Variants in SGIP1 observed in about 807,000 individuals in gnomAD.
SGIP1 encodes the protein SH3-containing GRB2-like protein 3-interacting protein 1.
SGIP1 carries 38 observed loss-of-function variants against 107.5 expected under a neutral mutation model. That is an observed-to-expected ratio of 0.35 (90% CI 0.27 to 0.46). The LOEUF (loss-of-function observed/expected upper bound fraction) is 0.46. Among genes scored for constraint, SGIP1 ranks in the 20% least tolerant of loss-of-function variants. The pLI, the probability that SGIP1 is intolerant of heterozygous loss-of-function variation, is 1.00. For synonymous variants in SGIP1, 365 were observed against 366.1 expected, an observed-to-expected ratio of 1.00 and a Z score of 0.03; for missense variants, 929 against 1,019.5, an observed-to-expected ratio of 0.91 and a Z score of 1.21.
chr1:66,736,386 T>C (rs1052850160), intron 21 of SGIP1, among the ~76,000 whole-genome samples: 27 of 74,800 alleles, frequency 3.6e-4, no homozygotes, highest in South Asian at 3.1e-3. Context: ...ATATAATATA[T>C]AATATATGTG....
chr1:66,654,957 C>T (rs1246722605), intron 7 of SGIP1, among the ~76,000 whole-genome samples: 1 of 152,106 alleles, frequency 6.6e-6, no homozygotes, highest in Non-Finnish European at 1.5e-5. Flanking sequence ...CTATTTGAAG[C>T]CCATCTTTAT....
At chr1:66,720,926 A>T (rs2093499361) in intron 19 of SGIP1, among the ~76,000 whole-genome samples, 1 of 152,186 alleles carries the variant, frequency 6.6e-6, no homozygotes, top group Admixed American at 6.5e-5. Context: ...TTTTAGACGT[A>T]AAACTCGAAA....
chr1:66,725,126 A>G (rs569715257), intron 19 of SGIP1, among the ~76,000 whole-genome samples: 2 of 152,176 alleles, frequency 1.3e-5, no homozygotes, highest in Non-Finnish European at 2.9e-5. Context: ...TCCAGGAGAG[A>G]TGGAAATGCA....
chr1:66,746,202 C>G lies in SGIP1; in HGVS notation c.*3107C>G, dbSNP rs999298127. ...ACCTTGGCTCTGCCACTGACTCCTGCCGTATGATATTGGACAAATCACTGC... is the reference window on the plus strand; with the variant it reads ...ACCTTGGCTCTGCCACTGACTCCTGGCGTATGATATTGGACAAATCACTGC... On this transcript the variant is annotated 3_prime_UTR_variant, in exon 25 of 25. Transcript: ENST00000371037. 2 of 152,128 alleles carry G rather than the reference C, an allele frequency of 1.3e-5. No homozygotes were observed. The highest frequency in any genetic ancestry group is 2.4e-5 in the African/African-American group (1 of 41,426). The allele number at this position is 152,128 out of a possible 1,614,324, so 9.4% of individuals were successfully genotyped here.
At chr1:66,654,208 C>A (rs975221529) in intron 7 of SGIP1, among the ~76,000 whole-genome samples, 1 of 152,172 alleles carries the variant, frequency 6.6e-6, no homozygotes, top group Non-Finnish European at 1.5e-5. Flanking sequence ...AATTTATGGT[C>A]TCAGTTGCTT....
At position 66,695,340 on chromosome 1, in the gene SGIP1, G is replaced by A. The variant is rs779230338; in HGVS notation, c.1571-94G>A. 2.5e-6 allele frequency: 4 copies of A among 1,598,828 alleles called. No homozygotes were observed. In the African/African-American group the frequency reaches 4.1e-5, roughly 16 times the overall value. On this transcript the variant is annotated intron_variant, in intron 17 of 24. Transcript: ENST00000371037. ...TGTAGTGCCTCCACCCTTCCCTATA[G>A]TGAGATTAATGACCTGCTCTGTAAC... is the stretch of plus-strand genomic sequence containing the variant.
intron 1 of SGIP1, among the ~76,000 whole-genome samples, chr1:66,561,397 C>G (rs1269004415): frequency 6.6e-6 from 1 of 151,946 alleles, no homozygotes; most frequent in Admixed American, 6.6e-5. Flanking sequence ...TTGTTCCCTT[C>G]CCTCAGTTTG....
intron 1 of SGIP1, among the ~76,000 whole-genome samples, chr1:66,565,568 GA>G (rs1234870034): frequency 2.6e-5 from 4 of 151,972 alleles, no homozygotes; most frequent in Admixed American, 6.6e-5. Context: ...AATTCCAAGT[GA>G]GAGAGGTATG....
chr1:66,647,399 C>T (rs2077841358), intron 7 of SGIP1, among the ~76,000 whole-genome samples: 1 of 152,160 alleles, frequency 6.6e-6, no homozygotes, highest in African/African-American at 2.4e-5. Flanking sequence ...ACATTCACTG[C>T]AAGGGAGTCT....
intron 18 of SGIP1, among the ~76,000 whole-genome samples, chr1:66,697,419 A>C (rs1013673203): frequency 3.9e-5 from 6 of 152,182 alleles, no homozygotes; most frequent in African/African-American, 7.2e-5. Flanking sequence ...GAAGCGTTTT[A>C]ATAGAAATTA....
intron 15 of SGIP1, among the ~76,000 whole-genome samples, chr1:66,685,251 G>C (rs932962182): frequency 2.0e-5 from 3 of 152,190 alleles, no homozygotes; most frequent in East Asian, 1.9e-4. Context: ...TCACAGCAAG[G>C]TGATTGTCAC....
At chr1:66,704,766 T>G (rs1247111249) in intron 18 of SGIP1, 3 of 152,240 alleles carry the variant, frequency 2.0e-5, no homozygotes, top group Non-Finnish European at 1.5e-5. Flanking sequence ...AGTATACTAG[T>G]GATTCAAAGA....
At position 66,750,047 on chromosome 1, in the gene SGIP1, G is replaced by A. The variant is rs938441611; in HGVS notation, c.*6952G>A. 6.7e-6 allele frequency among the ~76,000 whole-genome samples: 1 copy of A among 149,540 alleles called. No individual in the cohort carries two copies. Among genetic ancestry groups the A allele is most frequent in the Non-Finnish European group, 1.5e-5 (1 of 67,590 alleles). ...TGTGTGTGTGTGGGGGTGTGTGTGT[G>A]TGTGTGTGTGTGTGTGTGTGTCTCT... On this transcript the variant is annotated 3_prime_UTR_variant, in exon 25 of 25. Coordinates refer to ENST00000371037, the MANE Select transcript of SGIP1 (RefSeq NM_032291.4).
intron 14 of SGIP1, among the ~76,000 whole-genome samples, chr1:66,681,582 A>G (rs562720873): frequency 1.3e-5 from 2 of 152,228 alleles, no homozygotes; most frequent in Non-Finnish European, 2.9e-5. Context: ...GCAGCCTTCG[A>G]GAGCAGTATC....
At chr1:66,661,661 G>GCTCTTTAACAC (rs1308344383) in intron 8 of SGIP1, among the ~76,000 whole-genome samples, 5 of 152,110 alleles carry the variant, frequency 3.3e-5, no homozygotes, top group African/African-American at 9.7e-5. Context: ...TATTACTGGT[G>GCTCTTTAACAC]CTCTTTAACA....
chr1:66,689,187 C>T lies in SGIP1; in HGVS notation c.1355C>T (p.Pro452Leu), dbSNP rs573516641. 1.2e-6 allele frequency: 2 copies of T among 1,613,726 alleles called. No individual in the cohort carries two copies. The highest frequency in any genetic ancestry group is 4.5e-5 in the East Asian group (2 of 44,848). ...SPARPATPLV[P>L]CRSTTPPPPP... The stretch of plus-strand genomic sequence containing the variant: ...GCTCGACCAGCCACTCCTTTGGTTC[C>T]TTGCAGAAGTACCACTCCACCTCCA... The change falls in exon 16 of 25, where the codon CCT (proline) becomes CTT (leucine). Residue 452 changes from proline to leucine, a missense_variant. Around this residue, in one of 2 missense-constraint regions of SGIP1, gnomAD observed 588 missense variants for 588.6 expected, o/e 1.00. Coordinates refer to ENST00000371037, the MANE Select transcript of SGIP1 (RefSeq NM_032291.4).
intron 7 of SGIP1, among the ~76,000 whole-genome samples, chr1:66,657,521 CA>C (rs1232749724): frequency 6.6e-6 from 1 of 152,182 alleles, no homozygotes; most frequent in Admixed American, 6.5e-5. Context: ...TAGTCCTCAA[CA>C]AAACCTAACT....
At chr1:66,709,002 T>TTTGTTTTGTTTTC (rs2092718717) in intron 18 of SGIP1, among the ~76,000 whole-genome samples, 1 of 152,092 alleles carries the variant, frequency 6.6e-6, no homozygotes, top group Non-Finnish European at 1.5e-5. Context: ...TGTTTGTTTT[T>TTTGTTTTGTTTTC]GTTTGTTTTG....
At chr1:66,676,251 C>A (rs1352749320) in intron 12 of SGIP1, among the ~76,000 whole-genome samples, 1 of 152,184 alleles carries the variant, frequency 6.6e-6, no homozygotes, top group East Asian at 1.9e-4. Context: ...ACTGACTTCC[C>A]AGCCTGTCCT....
Sources: gnomAD v4.1 joint callset for allele counts (sites outside exome capture counted in the v4.1 genomes callset) on GRCh38, gnomAD v4.1.1 for gene constraint, gnomAD v4.1.1 regional missense constraint, MANE v1.5 for transcripts, NCBI Gene and HGNC (gene_info 2026-07-23, HGNC 2026-07-21) for gene names.